APTX: variants seen among roughly 807,000 people sequenced by gnomAD.
APTX encodes forkhead-associated domain histidine triad-like protein.
APTX carries 33 observed loss-of-function variants against 42.3 expected under a neutral mutation model. The ratio of observed to expected loss-of-function variants is 0.78; its 90% confidence interval spans 0.59 to 1.04. APTX has a LOEUF of 1.04. Among genes scored for constraint, APTX ranks in the 50% least tolerant of loss-of-function variants. The pLI is 0.00. For synonymous variants in APTX, 130 were observed against 146.7 expected, an observed-to-expected ratio of 0.89 and a Z score of 0.82; for missense variants, 421 against 415.1, an observed-to-expected ratio of 1.01 and a Z score of -0.12.
At chr9:32,999,920 A>G (rs1171284829) in intron 1 of APTX, among the ~76,000 whole-genome samples, 1 of 152,060 alleles carries the variant, frequency 6.6e-6, no homozygotes, top group Non-Finnish European at 1.5e-5. Flanking sequence ...AGATCGCGCC[A>G]CTGCACTCCA....
intron 6 of APTX, among the ~76,000 whole-genome samples, chr9:32,981,474 G>A (rs1037821474): frequency 2.0e-5 from 3 of 152,066 alleles, no homozygotes; most frequent in African/African-American, 7.2e-5. Context: ...CTGGCTCTAT[G>A]GCTGAGAGGA....
At chr9:33,020,685 C>CT (rs1382562225) in intron 1 of APTX, among the ~76,000 whole-genome samples, 2 of 152,230 alleles carry the variant, frequency 1.3e-5, no homozygotes, top group Non-Finnish European at 2.9e-5. Context: ...CAGGTTATAT[C>CT]ACCCCATCCC....
In APTX at chr9:32,988,405, C is replaced by T. The variant is rs1888867; in HGVS notation, c.134-276G>A. Among the ~76,000 whole-genome samples, 842 of 152,310 alleles carry T rather than the reference C, an allele frequency of 5.5e-3. 1 individual carries two copies. The highest frequency in any genetic ancestry group is 9.7e-3 in the Non-Finnish European group (659 of 68,024). ...ATGAGGCAGCTTCAATTAATCCCCA[C>T]AAGTTTCCCTATTCCAGAACCCCTG... On this transcript the variant is annotated intron_variant, in intron 2 of 7. Transcript: ENST00000379817.
Position 32,989,911 on chromosome 9 carries a change from A to G in APTX, c.-4-16T>C. The G allele has an allele frequency of 6.2e-7, 1 of 1,612,134 alleles. No individual in the cohort carries two copies. Among genetic ancestry groups the G allele is most frequent in the South Asian group, 1.1e-5 (1 of 90,942 alleles). ...CATCATCACTCTAAGGGACAAAACA[A>G]AAGAATCACTAGAAAAACAGATCCA... On this transcript the variant is annotated splice_polypyrimidine_tract_variant and intron_variant, in intron 1 of 7. Transcript: ENST00000379817.
chr9:33,015,025 G>C (rs1837794228), intron 1 of APTX, among the ~76,000 whole-genome samples: 1 of 152,226 alleles, frequency 6.6e-6, no homozygotes, highest in Non-Finnish European at 1.5e-5. Flanking sequence ...TGGCCCAGCT[G>C]TATCAAATGT....
At chr9:33,000,179 C>A (rs1033156886) in intron 1 of APTX, among the ~76,000 whole-genome samples, 1 of 151,952 alleles carries the variant, frequency 6.6e-6, no homozygotes, top group South Asian at 2.1e-4. Flanking sequence ...GCGGTATTAA[C>A]AATTGCTCTA....
intron 6 of APTX, among the ~76,000 whole-genome samples, chr9:32,981,074 A>G (rs1194928648): frequency 6.6e-6 from 1 of 152,230 alleles, no homozygotes; most frequent in Non-Finnish European, 1.5e-5. Context: ...TAACTATACT[A>G]TAGTAACCTA....
intron 1 of APTX, among the ~76,000 whole-genome samples, chr9:33,022,675 C>G (rs1838480995): frequency 6.6e-6 from 1 of 152,110 alleles, no homozygotes. Flanking sequence ...AATAACAAGG[C>G]AGATTAGTTA....
chr9:33,001,951 A>T (rs1836646902), upstream of APTX, among the ~76,000 whole-genome samples: 1 of 152,182 alleles, frequency 6.6e-6, no homozygotes. Context: ...AGACGTTCAC[A>T]ACCTTTAAGG....
intron 1 of APTX, among the ~76,000 whole-genome samples, chr9:32,992,523 T>C (rs1430978588): frequency 1.3e-5 from 2 of 152,126 alleles, no homozygotes; most frequent in African/African-American, 2.4e-5. Flanking sequence ...ATTTCGGCAA[T>C]GGCAAGCCAT....
chr9:32,999,792 G>A (rs1587588249), intron 1 of APTX, among the ~76,000 whole-genome samples: 1 of 152,050 alleles, frequency 6.6e-6, no homozygotes, highest in Non-Finnish European at 1.5e-5. Flanking sequence ...TGGCTAACAC[G>A]GTGAAACCCC....
upstream of APTX, among the ~76,000 whole-genome samples, chr9:33,003,377 T>C (rs75073828): frequency 3.3e-3 from 508 of 152,262 alleles, 8 homozygotes; most frequent in African/African-American, 0.012. Context: ...CAGAACTTTT[T>C]CATCTTGAAA....
chr9:33,004,191 G>A (rs1836957003), upstream of APTX, among the ~76,000 whole-genome samples: 1 of 152,192 alleles, frequency 6.6e-6, no homozygotes, highest in Admixed American at 6.5e-5. Flanking sequence ...AATACCACAT[G>A]TTCTCACTTA....
intron 1 of APTX, among the ~76,000 whole-genome samples, chr9:33,015,098 T>C (rs1255355755): frequency 5.9e-5 from 9 of 152,254 alleles, no homozygotes; most frequent in Non-Finnish European, 1.3e-4. Flanking sequence ...TACCCGTGTT[T>C]TTATTTTTTT....
Position 32,991,226 on chromosome 9 carries a change from G to A in APTX, c.-4-1331C>T, listed in dbSNP as rs558798843. On this transcript the variant is annotated intron_variant, in intron 1 of 7. Coordinates refer to ENST00000379817, the MANE Select transcript of APTX (RefSeq NM_001195248.2). ...CAGGCATGAGCCACCGTGCCCGGCC[G>A]CAAACCTACAATTTCTAAAGTGTGA... 4.6e-5 allele frequency among the ~76,000 whole-genome samples: 7 copies of A among 152,092 alleles called. No individual in the cohort carries two copies. In the South Asian group the frequency reaches 8.3e-4, roughly 18 times the overall value.
chr9:32,987,935 T>C, intron 3 of APTX, 89 bp from the exon 4 acceptor site: 1 of 1,541,290 alleles, frequency 6.5e-7, no homozygotes, highest in Non-Finnish European at 8.9e-7. Context: ...ACTTACTATA[T>C]GCCAAGCACC....
At chr9:33,010,848 A>G (rs1055924393) in intron 1 of APTX, among the ~76,000 whole-genome samples, 17 of 152,108 alleles carry the variant, frequency 1.1e-4, no homozygotes, top group African/African-American at 3.9e-4. Flanking sequence ...GGATATAGAA[A>G]GTGGTGAGGA....
chr9:32,985,156 T>C (rs946878921), intron 5 of APTX, among the ~76,000 whole-genome samples: 1 of 152,204 alleles, frequency 6.6e-6, no homozygotes, highest in Admixed American at 6.5e-5. Flanking sequence ...TTCCCAAGAA[T>C]GTGATGTAAA....
At chr9:33,008,712 C>T (rs1228015207) in intron 1 of APTX, among the ~76,000 whole-genome samples, 3 of 152,136 alleles carry the variant, frequency 2.0e-5, no homozygotes, top group Non-Finnish European at 4.4e-5. Context: ...CCACCATGCC[C>T]GGCTAATTTT....
Sources: allele counts gnomAD v4.1 joint callset (sites outside exome capture counted in the v4.1 genomes callset), GRCh38; gene constraint gnomAD v4.1.1; transcripts MANE v1.5; gene names NCBI Gene and HGNC (gene_info 2026-07-23, HGNC 2026-07-21).